Variants in GABRG3 observed in about 807,000 individuals in gnomAD.
GABRG3 encodes the protein gamma-aminobutyric acid type A receptor subunit gamma3.
A neutral mutation model predicts 48.8 loss-of-function variants in GABRG3; 25 were observed. The observed-to-expected ratio is 0.51, with a 90% confidence interval of 0.37 to 0.72. GABRG3 has a LOEUF of 0.72. GABRG3 is among the 30% of genes least tolerant of loss of function. The pLI, the probability that GABRG3 is intolerant of heterozygous loss-of-function variation, is 0.00. For synonymous variants in GABRG3, 227 were observed against 217.6 expected, an observed-to-expected ratio of 1.04 and a Z score of -0.38; for missense variants, 394 against 577.9, an observed-to-expected ratio of 0.68 and a Z score of 3.26.
chr15:27,268,225 G>A (rs1890980040), intron 3 of GABRG3, among the ~76,000 whole-genome samples: 1 of 152,150 alleles, frequency 6.6e-6, no homozygotes, highest in Admixed American at 6.5e-5. Flanking sequence ...TAGATATAAA[G>A]ATACTCAGAT....
At chr15:27,252,259 TGATGCCCTGTCC>T (rs1890481981) in intron 3 of GABRG3, among the ~76,000 whole-genome samples, 1 of 152,176 alleles carries the variant, frequency 6.6e-6, no homozygotes, top group African/African-American at 2.4e-5. Flanking sequence ...TCTGTGTCCA[TGATGCCCTGTCC>T]GAGGAGTTGC....
intron 3 of GABRG3, among the ~76,000 whole-genome samples, chr15:27,202,735 TA>T (rs1345443867): frequency 4.6e-5 from 7 of 152,220 alleles, no homozygotes; most frequent in Non-Finnish European, 1.0e-4. Context: ...TTCTTACCCA[TA>T]TACCTCTTTT....
At chr15:27,424,648 G>C (rs1347313616) in intron 5 of GABRG3, among the ~76,000 whole-genome samples, 2 of 150,676 alleles carry the variant, frequency 1.3e-5, no homozygotes, top group African/African-American at 4.9e-5. Flanking sequence ...CTATCTCCCA[G>C]GTTCAAGCAA....
At chr15:27,306,013 A>G (rs2140496747) in intron 3 of GABRG3, among the ~76,000 whole-genome samples, 1 of 73,682 alleles carries the variant, frequency 1.4e-5, no homozygotes, top group Admixed American at 2.0e-4. Flanking sequence ...AACATATATA[A>G]TATAAACCTA....
rs529060282 is a variant in GABRG3, at chr15:27,079,930, A to T, written c.270+53109A>T. Among the ~76,000 whole-genome samples the T allele has an allele frequency of 1.4e-4, 21 of 152,208 alleles. No homozygotes were observed. In the East Asian group the frequency reaches 3.9e-3, roughly 28 times the overall value. ...TTCCTGGAAGAAAGGTATCCTCCCA[A>T]CATCACTCCCAGCTCACTCAGTATG... On this transcript the variant is annotated intron_variant, in intron 3 of 9. Coordinates refer to ENST00000615808, the MANE Select transcript of GABRG3 (RefSeq NM_033223.5).
chr15:27,152,981 C>T (rs1898347434), intron 3 of GABRG3, among the ~76,000 whole-genome samples: 1 of 152,030 alleles, frequency 6.6e-6, no homozygotes, highest in Admixed American at 6.6e-5. Context: ...CTGCCTCAGC[C>T]TCCTGAGTAG....
chr15:27,215,217 G>A (rs1380494167), intron 3 of GABRG3, among the ~76,000 whole-genome samples: 1 of 152,192 alleles, frequency 6.6e-6, no homozygotes, highest in African/African-American at 2.4e-5. Flanking sequence ...AGGAGGAAGA[G>A]GAGTCAGGGA....
At chr15:27,150,506 C>T (rs1017428688) in intron 3 of GABRG3, among the ~76,000 whole-genome samples, 10 of 152,238 alleles carry the variant, frequency 6.6e-5, no homozygotes, top group African/African-American at 1.9e-4. Context: ...GTGGGCTGGC[C>T]GGGTTCCATT....
At chr15:27,462,532 T>C (rs902642889) in intron 5 of GABRG3, among the ~76,000 whole-genome samples, 4 of 152,350 alleles carry the variant, frequency 2.6e-5, no homozygotes, top group African/African-American at 9.6e-5. Flanking sequence ...GGCCCTAGTC[T>C]TATATATAGT....
intron 3 of GABRG3, among the ~76,000 whole-genome samples, chr15:27,134,329 T>C (rs944317289): frequency 6.6e-6 from 1 of 152,152 alleles, no homozygotes; most frequent in African/African-American, 2.4e-5. Flanking sequence ...CTAGACATGC[T>C]TCAGTTCCAG....
At chr15:27,330,924 G>A (rs1258243364) in intron 5 of GABRG3, among the ~76,000 whole-genome samples, 1 of 152,166 alleles carries the variant, frequency 6.6e-6, no homozygotes, top group East Asian at 1.9e-4. Flanking sequence ...ATGTCAGAAA[G>A]TGGCACCTTC....
chr15:27,476,766 T>C (rs1176436684), intron 5 of GABRG3, among the ~76,000 whole-genome samples: 2 of 152,188 alleles, frequency 1.3e-5, no homozygotes, highest in Admixed American at 1.3e-4. Context: ...GCAAAATTAC[T>C]TGAAAAAATA....
chr15:27,361,297 A>G (rs1895015886), intron 5 of GABRG3, among the ~76,000 whole-genome samples: 1 of 152,130 alleles, frequency 6.6e-6, no homozygotes, highest in Admixed American at 6.5e-5. Context: ...CCACCATAAC[A>G]CATTTCTGGG....
chr15:27,167,843 C>T (rs534540391), intron 3 of GABRG3, among the ~76,000 whole-genome samples: 9 of 152,136 alleles, frequency 5.9e-5, no homozygotes, highest in Non-Finnish European at 1.3e-4. Context: ...GGCTGCACCC[C>T]ATGGCAGTGG....
chr15:27,477,280 A>G (rs547741297), intron 5 of GABRG3, among the ~76,000 whole-genome samples: 9 of 152,344 alleles, frequency 5.9e-5, no homozygotes, highest in Non-Finnish European at 7.3e-5. Flanking sequence ...AGCCATGAAG[A>G]CAGGGAAAAA....
chr15:27,469,267 G>A (rs533042930), intron 5 of GABRG3, among the ~76,000 whole-genome samples: 73 of 82,476 alleles, frequency 8.9e-4, no homozygotes, highest in African/African-American at 3.5e-3. Context: ...CAGTTGGCTT[G>A]TTTGAAGCAG....
At position 27,400,550 on chromosome 15, in the gene GABRG3, T is replaced by G. The variant is rs1445337056; in HGVS notation, c.574+71662T>G. Among the ~76,000 whole-genome samples the G allele has an allele frequency of 2.0e-5, 3 of 152,268 alleles. No homozygotes were observed. The East Asian group carries it at 5.8e-4, about 29-fold the overall frequency. On this transcript the variant is annotated intron_variant, in intron 5 of 9. Transcript: ENST00000615808. ...ATGTGGGTTTATTTGTTTTAAATGATATTTAAGAAAGCACTTCATTTTCTT... is the reference window on the plus strand; with the variant it reads ...ATGTGGGTTTATTTGTTTTAAATGAGATTTAAGAAAGCACTTCATTTTCTT...
chr15:27,532,687 T>C lies in GABRG3; in HGVS notation c.1210T>C (p.Cys404Arg), dbSNP rs779626930. The C allele has an allele frequency of 1.2e-6, 2 of 1,614,032 alleles. No individual in the cohort carries two copies. Among genetic ancestry groups the C allele is most frequent in the Non-Finnish European group, 1.7e-6 (2 of 1,179,892 alleles). The change falls in exon 10 of 10, where the codon TGT becomes CGT. Residue 404 changes from cysteine to arginine, a missense_variant. Around this residue, in one of 3 missense-constraint regions of GABRG3, gnomAD observed 126 missense variants for 155.5 expected, o/e 0.81. Transcript: ENST00000615808. ...TTACTGGCAGGAATTTGAAGATACC[T>C]GTGTCTATGAGTGTCTGGATGGCAA... ...SVYWQEFEDT[C>R]VYECLDGKDC...
chr15:27,448,836 A>T lies in GABRG3; in HGVS notation c.575-31814A>T, dbSNP rs995337916. Among the ~76,000 whole-genome samples the T allele has an allele frequency of 7.5e-5, 8 of 106,384 alleles. No individual in the cohort carries two copies. In the South Asian group the frequency reaches 1.3e-3, roughly 17 times the overall value. The allele number at this position is 106,384 out of a possible 152,430, so 69.8% of individuals were successfully genotyped here. A position where few individuals can be genotyped will look rare whatever the true frequency, so the allele number is the denominator to read the frequency against. ...ACAAAATAAGTTACGAAGTTATTTA[A>T]AAAAAAAACAGATAAAAATTATTTA... is the stretch of plus-strand genomic sequence containing the variant. On this transcript the variant is annotated intron_variant, in intron 5 of 9. Transcript: ENST00000615808.
Sources: allele counts gnomAD v4.1 joint callset (sites outside exome capture counted in the v4.1 genomes callset), GRCh38; gene constraint gnomAD v4.1.1; regional missense constraint gnomAD v4.1.1; transcripts MANE v1.5; gene names NCBI Gene and HGNC (gene_info 2026-07-23, HGNC 2026-07-21).